RSPO2: variants seen among roughly 807,000 people sequenced by gnomAD.
RSPO2 encodes R-spondin 2, also known as R-spondin-2.
A neutral mutation model predicts 30.9 loss-of-function variants in RSPO2; 14 were observed. The ratio of observed to expected loss-of-function variants is 0.45; its 90% CI spans 0.30 to 0.71. RSPO2 has a LOEUF of 0.71. Ranked by LOEUF, RSPO2 falls within the 30% of genes least tolerant of loss-of-function variation. The pLI, the probability that RSPO2 is intolerant of heterozygous loss-of-function variation, is 0.08. For synonymous variants in RSPO2, 107 were observed against 96.4 expected (o/e 1.11, Z -0.64); for missense variants, 264 against 301.9 (o/e 0.87, Z 0.93).
At chr8:108,065,314 A>G (rs948497033) in intron 2 of RSPO2, among the ~76,000 whole-genome samples, 1 of 150,870 alleles carries the variant, frequency 6.6e-6, no homozygotes, top group Non-Finnish European at 1.5e-5. Context: ...AAAGAAGAGT[A>G]CTACGAAGGC....
chr8:107,983,805 C>A (rs1413065847), intron 3 of RSPO2: 2 of 1,604,334 alleles, frequency 1.2e-6, no homozygotes, highest in Admixed American at 1.7e-5. Context: ...ATGGAGCTTG[C>A]CACCACATTC....
chr8:108,024,755 C>A (rs1288475258), intron 2 of RSPO2, among the ~76,000 whole-genome samples: 1 of 152,186 alleles, frequency 6.6e-6, no homozygotes, highest in Non-Finnish European at 1.5e-5. Context: ...CATGGTGGCT[C>A]ACGCCTGTAA....
At chr8:108,045,925 G>A (rs1043725020) in intron 2 of RSPO2, among the ~76,000 whole-genome samples, 2 of 152,120 alleles carry the variant, frequency 1.3e-5, no homozygotes, top group African/African-American at 4.8e-5. Context: ...TACTTTTTAG[G>A]TCTTTTCCTT....
intron 3 of RSPO2, chr8:107,983,009 A>G (rs1814503242): frequency 1.4e-6 from 1 of 725,672 alleles, no homozygotes; most frequent in Admixed American, 3.1e-5. Context: ...CCTGGGGTGC[A>G]GAGAGGGGCC....
At chr8:107,913,421 G>A (rs537054406) in intron 5 of RSPO2, among the ~76,000 whole-genome samples, 10 of 152,274 alleles carry the variant, frequency 6.6e-5, no homozygotes, top group Non-Finnish European at 1.0e-4. Flanking sequence ...GGTATATTTT[G>A]TTATTCCTAC....
At chr8:107,956,693 T>C (rs1160893017) in intron 5 of RSPO2, among the ~76,000 whole-genome samples, 1 of 152,098 alleles carries the variant, frequency 6.6e-6, no homozygotes, top group Non-Finnish European at 1.5e-5. Flanking sequence ...TAAACCACAA[T>C]TGGGGGACCA....
intron 2 of RSPO2, among the ~76,000 whole-genome samples, chr8:108,029,780 C>G (rs1004776369): frequency 6.6e-6 from 1 of 152,118 alleles, no homozygotes; most frequent in Non-Finnish European, 1.5e-5. Flanking sequence ...AAGAGGGTAT[C>G]GACAGGAGTT....
At chr8:108,064,253 A>G (rs189441530) in intron 2 of RSPO2, among the ~76,000 whole-genome samples, 922 of 152,160 alleles carry the variant, frequency 6.1e-3, no homozygotes, top group Non-Finnish European at 9.3e-3. Context: ...AACCTACAGA[A>G]TGGGAGAAAA....
chr8:107,921,232 GA>G (rs1563521185), intron 5 of RSPO2, among the ~76,000 whole-genome samples: 1 of 150,670 alleles, frequency 6.6e-6, no homozygotes, highest in African/African-American at 2.5e-5. Flanking sequence ...AATAAGTTTT[GA>G]AAAATTTCTA....
At chr8:107,975,436 T>C (rs1814171874) in intron 3 of RSPO2, among the ~76,000 whole-genome samples, 1 of 152,218 alleles carries the variant, frequency 6.6e-6, no homozygotes, top group African/African-American at 2.4e-5. Context: ...TTGACTTTCA[T>C]TGAACTATTT....
Position 107,900,877 on chromosome 8 carries a change from C to G in RSPO2, c.*198G>C. 1.9e-6 allele frequency: 1 copy of G among 536,486 alleles called. No individual in the cohort carries two copies. Among genetic ancestry groups the G allele is most frequent in the East Asian group, 3.1e-5 (1 of 31,900 alleles). The allele number at this position is 536,486 out of a possible 1,614,324, so 33.2% of individuals were successfully genotyped here. ...GTCACGGGCTGTGCACTTACTCCTG[C>G]CTTCACAGTCTCCAGATTCAAATCA... On this transcript the variant is annotated 3_prime_UTR_variant, in exon 6 of 6. Transcript: ENST00000276659.
At chr8:108,082,497 A>C in intron 2 of RSPO2, 48 bp downstream of exon 2, 1 of 1,479,364 alleles carries the variant, frequency 6.8e-7, no homozygotes, top group Non-Finnish European at 9.4e-7. Flanking sequence ...GCGCCTCCAC[A>C]CGCCACCCCT....
intron 5 of RSPO2, among the ~76,000 whole-genome samples, chr8:107,945,241 CTTTTTTT>C (rs754722790): frequency 8.0e-5 from 6 of 74,820 alleles, no homozygotes; most frequent in African/African-American, 2.8e-4. Context: ...ATTCTTTTAC[CTTTTTTT>C]TTTTTTTTTT....
At chr8:108,028,713 T>C (rs1464039862) in intron 2 of RSPO2, among the ~76,000 whole-genome samples, 1 of 152,208 alleles carries the variant, frequency 6.6e-6, no homozygotes, top group African/African-American at 2.4e-5. Flanking sequence ...GCCTATCTCA[T>C]ATGTTGTAGT....
intron 2 of RSPO2, among the ~76,000 whole-genome samples, chr8:108,019,411 C>A (rs1350597980): frequency 6.6e-6 from 1 of 152,052 alleles, no homozygotes; most frequent in Admixed American, 6.6e-5. Flanking sequence ...CACACACACA[C>A]ACAACCCATA....
chr8:107,924,936 G>C (rs1479669496), intron 5 of RSPO2, among the ~76,000 whole-genome samples: 1 of 151,820 alleles, frequency 6.6e-6, no homozygotes, highest in Non-Finnish European at 1.5e-5. Context: ...AGAATACAGA[G>C]GTAGGGAAGT....
At chr8:108,059,938 C>T (rs1398127541) in intron 2 of RSPO2, among the ~76,000 whole-genome samples, 2 of 150,686 alleles carry the variant, frequency 1.3e-5, no homozygotes, top group Non-Finnish European at 2.9e-5. Flanking sequence ...ACCAGCATGG[C>T]ACATGTATAC....
At chr8:108,081,687 T>G (rs953972541) in intron 2 of RSPO2, among the ~76,000 whole-genome samples, 1 of 151,300 alleles carries the variant, frequency 6.6e-6, no homozygotes, top group African/African-American at 2.4e-5. Context: ...GGAAAGCGAG[T>G]TCCCCGAAAC....
At position 108,082,775 on chromosome 8, in the gene RSPO2, G is replaced by T; in HGVS notation, c.-137C>A. 1.6e-6 allele frequency: 1 copy of T among 631,320 alleles called. No individual in the cohort carries two copies. Among genetic ancestry groups the T allele is most frequent in the Non-Finnish European group, 2.8e-6 (1 of 362,668 alleles). The allele number at this position is 631,320 out of a possible 1,614,324, so 39.1% of individuals were successfully genotyped here. ...ACTCACCCCCGGGCCGCACCGGTCA[G>T]TTCAGCGCGATCAGCATCTCTCCGC... On this transcript the variant is annotated 5_prime_UTR_variant, in exon 2 of 6. In the 5' UTR this introduces an upstream ATG that the reference lacks. Coordinates refer to ENST00000276659, the MANE Select transcript of RSPO2 (RefSeq NM_178565.5).
Sources: allele counts gnomAD v4.1 joint callset (sites outside exome capture counted in the v4.1 genomes callset), GRCh38; gene constraint gnomAD v4.1.1; transcripts MANE v1.5; gene names NCBI Gene and HGNC (gene_info 2026-07-23, HGNC 2026-07-21).